The following UBE2G2 variants were observed in gnomAD, a reference collection of about 807,000 sequenced individuals.
The protein encoded by UBE2G2 is ubiquitin conjugating enzyme E2 G2.
UBE2G2 carries 10 observed loss-of-function variants against 23.0 expected under a neutral mutation model. The ratio of observed to expected loss-of-function variants is 0.43; its 90% confidence interval spans 0.27 to 0.74. The LOEUF is 0.74. Among genes scored for constraint, UBE2G2 ranks in the 30% least tolerant of loss-of-function variants. UBE2G2 has a pLI of 0.19. For missense variants in UBE2G2, 150 were observed against 218.3 expected (o/e 0.69, Z 1.97); for synonymous variants, 86 against 81.3 (o/e 1.06, Z -0.31).
Position 44,769,378 on chromosome 21 carries a change from ATTTTT to A in UBE2G2, c.*1994_*1998del. On this transcript the variant is annotated 3_prime_UTR_variant, in exon 6 of 6. Coordinates refer to ENST00000345496, the MANE Select transcript of UBE2G2 (RefSeq NM_003343.6). ...AATACGAGTTCTTGCCCTGCGTTCC[ATTTTT>A]TTTTTTTTTTTTTTTGAGACAGAGT... 1.7e-5 allele frequency: 2 copies of A among 117,106 alleles called. No individual in the cohort carries two copies. Among genetic ancestry groups the A allele is most frequent in the Non-Finnish European group, 3.4e-5 (2 of 58,540 alleles). The allele number at this position is 117,106 out of a possible 1,614,324, so 7.3% of individuals were successfully genotyped here. A position where few individuals can be genotyped will look rare whatever the true frequency, so the allele number is the denominator to read the frequency against.
intron 2 of UBE2G2, 43 bp from the exon 3 acceptor site, chr21:44,788,008 G>C: frequency 6.2e-7 from 1 of 1,610,542 alleles, no homozygotes; most frequent in South Asian, 1.1e-5. Context: ...AACTTTGAAG[G>C]AACTTTGGCA....
At chr21:44,781,374 G>A (rs781930985) in intron 3 of UBE2G2, among the ~76,000 whole-genome samples, 9 of 152,150 alleles carry the variant, frequency 5.9e-5, no homozygotes, top group Non-Finnish European at 1.2e-4. Context: ...TTCAGTCCCT[G>A]CTCTGCAGTT....
chr21:44,773,867 T>A, intron 4 of UBE2G2, 180 bp from the exon 5 acceptor site: 1 of 808,388 alleles, frequency 1.2e-6, no homozygotes, highest in Non-Finnish European at 1.8e-6. Flanking sequence ...GGAATCCCGG[T>A]GGGGCCTGCT....
At chr21:44,788,132 A>T in intron 1 of UBE2G2, 37 bp from the exon 2 acceptor site, 1 of 1,554,672 alleles carries the variant, frequency 6.4e-7, no homozygotes, top group Non-Finnish European at 8.7e-7. Flanking sequence ...ACCAAACAGA[A>T]TAAATGTTAC....
chr21:44,779,511 C>T (rs921570856), intron 3 of UBE2G2, among the ~76,000 whole-genome samples: 11 of 151,908 alleles, frequency 7.2e-5, no homozygotes, highest in East Asian at 3.9e-4. Context: ...ATGAGTACCC[C>T]CCCCGGCCCA....
rs1327345372 is a variant in UBE2G2, at chr21:44,772,766, GC to G, written c.385+780del. Among the ~76,000 whole-genome samples the G allele has an allele frequency of 1.3e-5, 2 of 152,046 alleles. No homozygotes were observed. The highest frequency in any genetic ancestry group is 2.4e-5 in the African/African-American group (1 of 41,392). ...CTCCCAAACCCACCCCTTCCTCTTA[GC>G]CCTGGGACCACTCAGCCCTTCTCTT... On this transcript the variant is annotated intron_variant, in intron 5 of 5. Coordinates refer to ENST00000345496, the MANE Select transcript of UBE2G2 (RefSeq NM_003343.6). This position sits in a 1 kb window ranked among gnomAD's most constrained non-coding sequence, Gnocchi z 5.4.
intron 1 of UBE2G2, among the ~76,000 whole-genome samples, chr21:44,798,688 T>G (rs1555964258): frequency 1.3e-5 from 2 of 152,236 alleles, no homozygotes. Context: ...CCACCTCTAA[T>G]TCCAGTTCCC....
chr21:44,798,364 T>C (rs1383425407), intron 1 of UBE2G2, among the ~76,000 whole-genome samples: 1 of 152,150 alleles, frequency 6.6e-6, no homozygotes, highest in African/African-American at 2.4e-5. Flanking sequence ...AGACAACAAT[T>C]AAGTTTGCCA....
At chr21:44,784,647 G>GC (rs1364095925) in intron 3 of UBE2G2, among the ~76,000 whole-genome samples, 1 of 152,122 alleles carries the variant, frequency 6.6e-6, no homozygotes, top group Non-Finnish European at 1.5e-5. Flanking sequence ...CCGGACACTG[G>GC]CCCCCAGTGT....
chr21:44,787,968 GTAGGGTGAGAAAAAATTTCA>G lies in UBE2G2; in HGVS notation c.80-23_80-4del, dbSNP rs782394191. 3.7e-6 allele frequency: 6 copies of G among 1,613,228 alleles called. No individual in the cohort carries two copies. Among genetic ancestry groups the G allele is most frequent in the Non-Finnish European group, 5.1e-6 (6 of 1,179,780 alleles). On this transcript the variant is annotated splice_region_variant and splice_polypyrimidine_tract_variant and intron_variant, in intron 2 of 5. Coordinates refer to ENST00000345496, the MANE Select transcript of UBE2G2 (RefSeq NM_003343.6). ...AAAGTTCTCTTCATTCATGGGGCCT[GTAGGGTGAGAAAAAATTTCA>G]CAACATTTTAACTTTGAAGGAACTT...
intron 5 of UBE2G2, 42 bp downstream of exon 5, chr21:44,773,505 T>C: frequency 1.3e-6 from 2 of 1,586,804 alleles, no homozygotes; most frequent in Non-Finnish European, 8.5e-7. Flanking sequence ...ACCTGCAGCC[T>C]GGGTGTCCAC....
chr21:44,797,758 A>T (rs533489104), intron 1 of UBE2G2, among the ~76,000 whole-genome samples: 82 of 149,072 alleles, frequency 5.5e-4, no homozygotes, highest in African/African-American at 2.0e-3. Context: ...ATACCTGCTC[A>T]CAGTCTAGCC....
At position 44,801,808 on chromosome 21, in the gene UBE2G2, G is replaced by C. The variant is rs542915185; in HGVS notation, c.-60C>G. On this transcript the variant is annotated 5_prime_UTR_variant, in exon 1 of 6. Coordinates refer to ENST00000345496, the MANE Select transcript of UBE2G2 (RefSeq NM_003343.6). The stretch of plus-strand genomic sequence containing the variant: ...CAGCCGCGCGCGTGCCTCCTGCCCC[G>C]ACACCGGGGACTGCTTCCGGGCCAC... The C allele has an allele frequency of 6.7e-7, 1 of 1,486,778 alleles. No individual in the cohort carries two copies. The highest frequency in any genetic ancestry group is 8.9e-7 in the Non-Finnish European group (1 of 1,123,148). 92.1% of individuals were successfully genotyped at this position (1,486,778 alleles called of 1,614,324 possible).
intron 1 of UBE2G2, among the ~76,000 whole-genome samples, chr21:44,797,429 T>A (rs2083099689): frequency 6.6e-6 from 1 of 152,110 alleles, no homozygotes; most frequent in African/African-American, 2.4e-5. Flanking sequence ...TCAATAAAAA[T>A]GAGAAGGCCG....
intron 4 of UBE2G2, among the ~76,000 whole-genome samples, chr21:44,776,649 C>T (rs1555960621): frequency 6.6e-6 from 1 of 152,200 alleles, no homozygotes. Flanking sequence ...AGTACTGAAT[C>T]ATGGAGGCAC....
intron 1 of UBE2G2, among the ~76,000 whole-genome samples, chr21:44,799,017 C>T (rs1358798965): frequency 6.6e-6 from 1 of 152,188 alleles, no homozygotes; most frequent in African/African-American, 2.4e-5. Context: ...CTCCTTATAC[C>T]TCTCCATCAG....
intron 3 of UBE2G2, among the ~76,000 whole-genome samples, chr21:44,780,866 T>C (rs931925589): frequency 6.6e-6 from 1 of 152,230 alleles, no homozygotes; most frequent in East Asian, 1.9e-4. Flanking sequence ...TTGTTCTTCT[T>C]TGCATTGCCT....
At chr21:44,801,499 G>A in intron 1 of UBE2G2, 3 of 1,074,452 alleles carry the variant, frequency 2.8e-6, no homozygotes, top group African/African-American at 3.4e-5. Context: ...CTTTACTGAT[G>A]CTGGGAAGGC....
intron 3 of UBE2G2, among the ~76,000 whole-genome samples, chr21:44,785,255 G>C (rs908785231): frequency 6.6e-6 from 1 of 152,232 alleles, no homozygotes; most frequent in Non-Finnish European, 1.5e-5. Context: ...AGCCACGCTC[G>C]ATTTGATTGC....
Sources: gnomAD v4.1 joint callset for allele counts (sites outside exome capture counted in the v4.1 genomes callset) on GRCh38, gnomAD v4.1.1 for gene constraint, Gnocchi (gnomAD v3.1) non-coding constraint, MANE v1.5 for transcripts, NCBI Gene and HGNC (gene_info 2026-07-23, HGNC 2026-07-21) for gene names.